USP39: variants seen among roughly 807,000 people sequenced by gnomAD.
USP39 encodes the protein ubiquitin carboxyl-terminal hydrolase 39.
In USP39, 38 loss-of-function variants were observed where a neutral mutation model predicts 66.4. The ratio of observed to expected loss-of-function variants is 0.57; its 90% confidence interval spans 0.44 to 0.75. The LOEUF (loss-of-function observed/expected upper bound fraction) is 0.75, where lower values mean the gene tolerates loss of function less well. Ranked by LOEUF, USP39 falls within the 30% of genes least tolerant of loss-of-function variation. The pLI is 0.00. For missense variants in USP39, 608 were observed against 714.4 expected, an observed-to-expected ratio of 0.85 and a Z score of 1.70; for synonymous variants, 303 against 274.6, an observed-to-expected ratio of 1.10 and a Z score of -1.02.
At position 85,637,377 on chromosome 2, in the gene USP39, A is replaced by G; in HGVS notation, c.1036A>G (p.Thr346Ala). Reference protein sequence around the residue: ...GTKKKKKTIVTDVFQGSMRIF... With the variant: ...GTKKKKKTIVADVFQGSMRIF... Reference sequence around the variant, plus strand: ...GCTTCCTGTTTGTGCAGCTATTGTGACTGATGTTTTCCAGGGGTCCATGAG... The same window carrying G: ...GCTTCCTGTTTGTGCAGCTATTGTGGCTGATGTTTTCCAGGGGTCCATGAG... Residue 346 changes from threonine to alanine, a missense_variant, in exon 8 of 13, where the codon ACT becomes GCT. Around this residue, in one of 6 missense-constraint regions of USP39, gnomAD observed 72 missense variants for 60.1 expected, o/e 1.20. Transcript: ENST00000323701. The G allele has an allele frequency of 6.2e-7, 1 of 1,614,092 alleles. No individual in the cohort carries two copies. The highest frequency in any genetic ancestry group is 1.1e-5 in the South Asian group (1 of 91,078).
chr2:85,625,467 A>T, intron 4 of USP39, 72 bp from the exon 5 acceptor site: 2 of 1,587,262 alleles, frequency 1.3e-6, no homozygotes, highest in Admixed American at 1.8e-5. Flanking sequence ...TTGTTTTTGT[A>T]GAAATTACTG....
chr2:85,618,466 G>T (rs1376607883), intron 1 of USP39, among the ~76,000 whole-genome samples: 1 of 151,392 alleles, frequency 6.6e-6, no homozygotes, highest in Non-Finnish European at 1.5e-5. Flanking sequence ...GGAGGCTGAG[G>T]CAGGAGAATT....
Position 85,637,404 on chromosome 2 carries a change from A to T in USP39, c.1063A>T (p.Ile355Phe). Reference protein sequence around the residue: ...VTDVFQGSMRIFTKKLPHPDL... With the variant: ...VTDVFQGSMRFFTKKLPHPDL... The stretch of plus-strand genomic sequence containing the variant: ...TGATGTTTTCCAGGGGTCCATGAGG[A>T]TCTTCACTAAAAAGCTTCCCCATCC... The change falls in exon 8 of 13, where the codon ATC (isoleucine) becomes TTC (phenylalanine). Residue 355 changes from isoleucine to phenylalanine, a missense_variant. This residue lies in a region of USP39 where 72 missense variants were observed against 60.1 expected (regional missense o/e 1.20). Transcript: ENST00000323701. The T allele has an allele frequency of 1.9e-6, 3 of 1,614,092 alleles. No homozygotes were observed. Among genetic ancestry groups the T allele is most frequent in the Non-Finnish European group, 2.5e-6 (3 of 1,180,028 alleles).
intron 1 of USP39, among the ~76,000 whole-genome samples, chr2:85,605,039 G>A (rs1673167477): frequency 6.6e-6 from 1 of 152,212 alleles, no homozygotes; most frequent in Non-Finnish European, 1.5e-5. Flanking sequence ...CATGTAAGAA[G>A]TAGGACCAGA....
intron 11 of USP39, among the ~76,000 whole-genome samples, chr2:85,645,573 C>T (rs575920273): frequency 1.2e-4 from 18 of 152,216 alleles, no homozygotes; most frequent in Middle Eastern, 6.8e-3. Flanking sequence ...TGAGCCACCG[C>T]GCCAACCGGG....
At chr2:85,622,242 C>T (rs1017815289) in intron 3 of USP39, among the ~76,000 whole-genome samples, 82 of 152,090 alleles carry the variant, frequency 5.4e-4, no homozygotes, top group Middle Eastern at 3.4e-3. Context: ...CTGCCTCAGC[C>T]TCCTGAGTAG....
At chr2:85,608,793 G>T, upstream of USP39, 2 of 873,520 alleles carry the variant, frequency 2.3e-6, no homozygotes, top group Non-Finnish European at 3.4e-6. Context: ...TGCAAGGCAG[G>T]CCAGGTGTAG....
chr2:85,603,469 A>G (rs576865464), intron 1 of USP39, among the ~76,000 whole-genome samples: 2 of 152,328 alleles, frequency 1.3e-5, no homozygotes, highest in East Asian at 3.9e-4. Context: ...GGAAGGTGAG[A>G]GACCCGGAGG....
chr2:85,631,156 AG>A (rs1163051726), intron 6 of USP39, among the ~76,000 whole-genome samples: 8 of 151,964 alleles, frequency 5.3e-5, no homozygotes, highest in Non-Finnish European at 1.2e-4. Flanking sequence ...CTGGGACTAT[AG>A]GCACGCACCA....
chr2:85,621,653 T>C (rs879605954), intron 3 of USP39, 74 bp downstream of exon 3: 16 of 1,149,358 alleles, frequency 1.4e-5, no homozygotes, highest in Admixed American at 2.2e-5. Flanking sequence ...GAAAGTAAGC[T>C]GTTCTCAGGA....
chr2:85,612,244 A>T (rs1673609405), upstream of USP39: 1 of 1,370,188 alleles, frequency 7.3e-7, no homozygotes, highest in South Asian at 1.3e-5. Flanking sequence ...TTTTCGTAAC[A>T]TATCAATAGG....
intron 1 of USP39, among the ~76,000 whole-genome samples, chr2:85,618,888 A>C (rs1232634126): frequency 6.6e-6 from 1 of 151,912 alleles, no homozygotes; most frequent in Non-Finnish European, 1.5e-5. Flanking sequence ...TCCTGCCTCA[A>C]CTTCCTGAAT....
intron 6 of USP39, among the ~76,000 whole-genome samples, chr2:85,635,601 A>G (rs1287005308): frequency 6.6e-6 from 1 of 152,078 alleles, no homozygotes; most frequent in Admixed American, 6.6e-5. Flanking sequence ...TCTGAGTGGC[A>G]GGTTCCGTAG....
At chr2:85,611,614 G>A (rs1446523186), upstream of USP39, 1 of 1,558,310 alleles carries the variant, frequency 6.4e-7, no homozygotes, top group Admixed American at 2.0e-5. Flanking sequence ...GAGAAGGGGA[G>A]TGCGTTGCAG....
At chr2:85,645,276 G>GT in intron 11 of USP39, 193 bp downstream of exon 11, 2 of 543,050 alleles carry the variant, frequency 3.7e-6, no homozygotes, top group Non-Finnish European at 3.0e-6. Flanking sequence ...CACCTTGGGA[G>GT]CTTTTTTTTT....
In USP39 at chr2:85,623,791, C is replaced by T. The variant is rs768625655; in HGVS notation, c.570+9C>T. The T allele has an allele frequency of 1.4e-5, 23 of 1,606,740 alleles. No individual in the cohort carries two copies. Among genetic ancestry groups the T allele is most frequent in the South Asian group, 5.6e-5 (5 of 89,892 alleles). ...CATTGGAGGATATCACGGTGTGTGT[C>T]TAAGAGGGTTGGTTTGGGGTCCATT... On this transcript the variant is annotated intron_variant, in intron 4 of 12. Transcript: ENST00000323701.
chr2:85,616,089 C>G (rs1673901623), upstream of USP39: 2 of 1,348,340 alleles, frequency 1.5e-6, no homozygotes, highest in South Asian at 2.0e-5. Context: ...CCAGTGGCGA[C>G]TCGTAGAGAG....
chr2:85,645,200 C>T, intron 11 of USP39, 117 bp downstream of exon 11: 1 of 1,395,264 alleles, frequency 7.2e-7, no homozygotes, highest in Non-Finnish European at 9.8e-7. Context: ...TGGGACTCTG[C>T]AAGTAATAGT....
intron 1 of USP39, 104 bp from the exon 2 acceptor site, chr2:85,619,116 T>C: frequency 7.7e-7 from 1 of 1,302,768 alleles, no homozygotes. Flanking sequence ...CAATAGGAAC[T>C]CATCTTGATT....
Sources: gnomAD v4.1 joint callset for allele counts (sites outside exome capture counted in the v4.1 genomes callset) on GRCh38, gnomAD v4.1.1 for gene constraint, gnomAD v4.1.1 regional missense constraint, MANE v1.5 for transcripts, NCBI Gene and HGNC (gene_info 2026-07-23, HGNC 2026-07-21) for gene names.